BRWD1: variants seen among roughly 807,000 people sequenced by gnomAD.
The protein encoded by BRWD1 is bromodomain and WD repeat domain containing 1.
BRWD1 carries 82 observed loss-of-function variants against 251.2 expected under a neutral mutation model. That is an observed-to-expected ratio of 0.33 (90% CI 0.27 to 0.39). The LOEUF is 0.39. BRWD1 is among the 10% of genes least tolerant of loss of function. BRWD1 has a pLI of 1.00. For missense variants in BRWD1, 2,233 were observed against 2,711.6 expected (o/e 0.82, Z 3.92); for synonymous variants, 918 against 902.8 (o/e 1.02, Z -0.30).
At chr21:39,311,868 C>A (rs2036495287) in intron 4 of BRWD1, among the ~76,000 whole-genome samples, 1 of 152,208 alleles carries the variant, frequency 6.6e-6, no homozygotes, top group Admixed American at 6.5e-5. Flanking sequence ...TAATCTTCTA[C>A]CACTTTTTTT....
intron 35 of BRWD1, 22 bp from the exon 36 acceptor site, chr21:39,210,169 T>TAA: frequency 6.5e-7 from 1 of 1,548,070 alleles, no homozygotes. Context: ...ACACAATATT[T>TAA]AATTCATAGA....
At chr21:39,266,162 T>A (rs1166926613) in intron 15 of BRWD1, among the ~76,000 whole-genome samples, 2 of 152,084 alleles carry the variant, frequency 1.3e-5, no homozygotes, top group East Asian at 3.9e-4. Context: ...TAGTGATACT[T>A]CACTATTGTT....
chr21:39,261,158 A>G (rs1236057678), intron 17 of BRWD1, among the ~76,000 whole-genome samples: 1 of 151,082 alleles, frequency 6.6e-6, no homozygotes, highest in Non-Finnish European at 1.5e-5. Flanking sequence ...CCCAGAGGCA[A>G]AGGTTGCAAT....
chr21:39,187,415 AT>A lies in BRWD1; in HGVS notation c.*8843del, dbSNP rs2031302189. The A allele has an allele frequency of 6.5e-7, 1 of 1,545,856 alleles. No individual in the cohort carries two copies. Among genetic ancestry groups the A allele is most frequent in the African/African-American group, 1.4e-5 (1 of 71,882 alleles). On this transcript the variant is annotated 3_prime_UTR_variant, in exon 41 of 41. Transcript: ENST00000342449. The stretch of plus-strand genomic sequence containing the variant: ...TTGGGTTCTCTGTCTCTAGGAACAA[AT>A]TCTGAAAAATGAGTGAAAGTTCATG...
rs907668850 is a variant in BRWD1, at chr21:39,288,007, A to G, written c.831+5804T>C. Among the ~76,000 whole-genome samples the G allele has an allele frequency of 2.0e-5, 3 of 152,216 alleles. No homozygotes were observed. The South Asian group carries it at 6.2e-4, about 31-fold the overall frequency. On this transcript the variant is annotated intron_variant, in intron 8 of 40. Coordinates refer to ENST00000342449, the MANE Select transcript of BRWD1 (RefSeq NM_033656.4). ...AAGAATTCAACAGCAGCTTAGCTAG[A>G]TAGGTCTGGCTCAGTGTCTCAAGGC...
chr21:39,195,314 A>G lies in BRWD1; in HGVS notation c.*945T>C. 2.0e-6 allele frequency: 2 copies of G among 1,000,212 alleles called. No individual in the cohort carries two copies. Among genetic ancestry groups the G allele is most frequent in the Non-Finnish European group, 2.4e-6 (2 of 839,502 alleles). 62.0% of individuals were successfully genotyped at this position (1,000,212 alleles called of 1,614,324 possible). On this transcript the variant is annotated 3_prime_UTR_variant, in exon 41 of 41. Transcript: ENST00000342449. ...TACAATTGGAATACAGATGGGGGAA[A>G]CCTACATATTAACTTAAATACTCTT...
Position 39,313,561 on chromosome 21 carries a change from C to CG in BRWD1, c.-71dup. On this transcript the variant is annotated 5_prime_UTR_variant, in exon 1 of 41. Transcript: ENST00000342449. ...CGTGTAGGCCGCGCCGAGGCCTGAC[C>CG]GGGCTGGCGTCCCCTCTTCTCAGGC... 1.6e-6 allele frequency: 2 copies of CG among 1,232,384 alleles called. No individual in the cohort carries two copies. Among genetic ancestry groups the CG allele is most frequent in the Non-Finnish European group, 2.0e-6 (2 of 976,124 alleles). The allele number at this position is 1,232,384 out of a possible 1,614,324, so 76.3% of individuals were successfully genotyped here. A position where few individuals can be genotyped will look rare whatever the true frequency, so the allele number is the denominator to read the frequency against.
At chr21:39,214,783 TTTAC>T (rs1327178129) in intron 32 of BRWD1, among the ~76,000 whole-genome samples, 2 of 152,096 alleles carry the variant, frequency 1.3e-5, no homozygotes, top group African/African-American at 4.8e-5. Context: ...TTCTCAGACT[TTTAC>T]TTAAATTATG....
chr21:39,268,843 C>T (rs917376065), intron 15 of BRWD1, among the ~76,000 whole-genome samples: 5 of 152,014 alleles, frequency 3.3e-5, no homozygotes, highest in Non-Finnish European at 5.9e-5. Context: ...AAAAAATTAG[C>T]CAGGTTTGGT....
chr21:39,265,109 T>C (rs2034878213), intron 15 of BRWD1, 90 bp from the exon 16 acceptor site: 2 of 1,312,452 alleles, frequency 1.5e-6, no homozygotes, highest in Admixed American at 2.7e-5. Context: ...CCTGTGACAA[T>C]ATATCCCTTC....
At chr21:39,277,940 C>A (rs1337053226) in intron 10 of BRWD1, among the ~76,000 whole-genome samples, 1 of 152,100 alleles carries the variant, frequency 6.6e-6, no homozygotes, top group Non-Finnish European at 1.5e-5. Context: ...CCTCAACCTC[C>A]TGGACACAAG....
chr21:39,305,531 C>A (rs566839770), intron 4 of BRWD1, among the ~76,000 whole-genome samples: 1 of 152,188 alleles, frequency 6.6e-6, no homozygotes, highest in Admixed American at 6.6e-5. Context: ...GTTTGAGACA[C>A]CAGCCTGACC....
intron 20 of BRWD1, among the ~76,000 whole-genome samples, chr21:39,248,216 T>C (rs1280080073): frequency 6.6e-6 from 1 of 152,150 alleles, no homozygotes; most frequent in Non-Finnish European, 1.5e-5. Context: ...ACTATCTCTA[T>C]ACATAGGTGT....
At chr21:39,310,321 GC>G (rs1483069365) in intron 4 of BRWD1, among the ~76,000 whole-genome samples, 1 of 152,076 alleles carries the variant, frequency 6.6e-6, no homozygotes, top group Non-Finnish European at 1.5e-5. Flanking sequence ...TTCAAGACCA[GC>G]CTGGCCAACA....
In BRWD1 at chr21:39,192,968, G is replaced by A. The variant is rs909800939; in HGVS notation, c.*3291C>T. The A allele has an allele frequency of 3.0e-6, 3 of 984,230 alleles. No individual in the cohort carries two copies. Among genetic ancestry groups the A allele is most frequent in the Non-Finnish European group, 3.6e-6 (3 of 829,082 alleles). 61.0% of individuals were successfully genotyped at this position (984,230 alleles called of 1,614,324 possible). On this transcript the variant is annotated 3_prime_UTR_variant, in exon 41 of 41. Transcript: ENST00000342449. ...CTAGAAGACAGAGGGAATGTAGTGT[G>A]CACCCCTTATTCTAAGTGATAATTT... is the stretch of plus-strand genomic sequence containing the variant.
intron 8 of BRWD1, among the ~76,000 whole-genome samples, chr21:39,292,776 G>A (rs2146745164): frequency 6.6e-6 from 1 of 152,302 alleles, no homozygotes; most frequent in East Asian, 1.9e-4. Flanking sequence ...ATAGATAGGT[G>A]AAATTTATAT....
rs1022135461 is a variant in BRWD1, at chr21:39,192,159, G to C, written c.*4100C>G. On this transcript the variant is annotated 3_prime_UTR_variant, in exon 41 of 41. Transcript: ENST00000342449. Reference sequence around the variant, plus strand: ...AAAAAGGTAAAAATCTCTTACTTTTGAGAATCCCCATGTATCCTTGGGCAA... The same window carrying C: ...AAAAAGGTAAAAATCTCTTACTTTTCAGAATCCCCATGTATCCTTGGGCAA... The C allele has an allele frequency of 9.1e-6, 9 of 985,022 alleles. No homozygotes were observed. Among genetic ancestry groups the C allele is most frequent in the African/African-American group, 3.5e-5 (2 of 57,186 alleles). 61.0% of individuals were successfully genotyped at this position (985,022 alleles called of 1,614,324 possible). A position where few individuals can be genotyped will look rare whatever the true frequency, so the allele number is the denominator to read the frequency against.
At chr21:39,246,808 C>T (rs1047047786) in intron 21 of BRWD1, among the ~76,000 whole-genome samples, 22 of 152,180 alleles carry the variant, frequency 1.4e-4, no homozygotes, top group Admixed American at 1.1e-3. Flanking sequence ...TCCGGCTGGG[C>T]GTGGTGGCTC....
intron 4 of BRWD1, among the ~76,000 whole-genome samples, chr21:39,311,436 T>A (rs1008266153): frequency 1.6e-4 from 25 of 152,300 alleles, no homozygotes; most frequent in Admixed American, 1.0e-3. Flanking sequence ...ATTGCAGCCA[T>A]GAGCCACTGC....
Sources: gnomAD v4.1 joint callset for allele counts (sites outside exome capture counted in the v4.1 genomes callset) on GRCh38, gnomAD v4.1.1 for gene constraint, MANE v1.5 for transcripts, NCBI Gene and HGNC (gene_info 2026-07-23, HGNC 2026-07-21) for gene names.